TPTE: variants seen among roughly 807,000 people sequenced by gnomAD.
The protein encoded by TPTE is transmembrane phosphatase with tensin homology.
A neutral mutation model predicts 84.1 loss-of-function variants in TPTE; 59 were observed. The observed-to-expected ratio is 0.70, with a 90% confidence interval of 0.57 to 0.87. The LOEUF is 0.87. TPTE is among the 40% of genes least tolerant of loss of function. TPTE has a pLI of 0.00. For missense variants in TPTE, 382 were observed against 659.6 expected (o/e 0.58, Z 4.61); for synonymous variants, 130 against 223.5 (o/e 0.58, Z 3.73).
At chr21:10,558,128 A>G (rs543027339) in intron 8 of TPTE, among the ~76,000 whole-genome samples, 21 of 152,422 alleles carry the variant, frequency 1.4e-4, no homozygotes, top group African/African-American at 5.0e-4. Context: ...GTATATATGT[A>G]CCACATTTTC....
chr21:10,541,689 T>A (rs2074372414), intron 5 of TPTE, among the ~76,000 whole-genome samples: 1 of 152,310 alleles, frequency 6.6e-6, no homozygotes, highest in African/African-American at 2.4e-5. Context: ...GGCTTCCATC[T>A]GTTACTGTCT....
At chr21:10,560,198 A>G (rs1391979255) in intron 9 of TPTE, among the ~76,000 whole-genome samples, 1 of 152,286 alleles carries the variant, frequency 6.6e-6, no homozygotes, top group Non-Finnish European at 1.5e-5. Context: ...TTCTATAATT[A>G]TTAGTAAAGT....
chr21:10,525,416 G>C (rs948286755), intron 2 of TPTE, among the ~76,000 whole-genome samples: 1 of 152,302 alleles, frequency 6.6e-6, no homozygotes, highest in African/African-American at 2.4e-5. Context: ...GGAAGATTTT[G>C]GCCTCTGAAA....
chr21:10,538,921 G>A (rs1423084626), intron 4 of TPTE, among the ~76,000 whole-genome samples, 187 bp downstream of exon 4: 5 of 152,300 alleles, frequency 3.3e-5, no homozygotes, highest in Admixed American at 6.5e-5. Context: ...GGAGACAGAC[G>A]GCCGGACATT....
Position 10,529,308 on chromosome 21 carries a change from G to A in TPTE, c.-44+1896G>A, listed in dbSNP as rs368013646. On this transcript the variant is annotated intron_variant, in intron 3 of 23. Coordinates refer to ENST00000618007, the MANE Select transcript of TPTE (RefSeq NM_199261.4). ...AAGGATAAGTTTCAATGCCAAAAAT[G>A]TTTAAAAGTGGGATATAGGAAGATG... Among the ~76,000 whole-genome samples, 13 of 152,422 alleles carry A rather than the reference G, an allele frequency of 8.5e-5. No homozygotes were observed. The East Asian group carries it at 2.1e-3, about 25-fold the overall frequency.
At chr21:10,540,444 G>A (rs985402048) in intron 4 of TPTE, among the ~76,000 whole-genome samples, 12 of 152,298 alleles carry the variant, frequency 7.9e-5, no homozygotes, top group Non-Finnish European at 1.8e-4. Context: ...TTATGTTAGT[G>A]TTTGTCACAT....
intron 7 of TPTE, among the ~76,000 whole-genome samples, chr21:10,548,770 A>G (rs143576225): frequency 8.5e-5 from 13 of 152,422 alleles, no homozygotes; most frequent in African/African-American, 2.6e-4. Context: ...CTGTGTACCC[A>G]CATACCAGTT....
At chr21:10,523,124 A>T (rs1299416411) in intron 1 of TPTE, among the ~76,000 whole-genome samples, 1 of 152,308 alleles carries the variant, frequency 6.6e-6, no homozygotes, top group Non-Finnish European at 1.5e-5. Flanking sequence ...CACTTGATGT[A>T]AACTTCTTCA....
intron 7 of TPTE, among the ~76,000 whole-genome samples, chr21:10,546,845 A>G (rs1376102949): frequency 6.6e-6 from 1 of 152,310 alleles, no homozygotes; most frequent in African/African-American, 2.4e-5. Context: ...GTTTAAGGAA[A>G]GAAGCCATCT....
intron 18 of TPTE, 44 bp from the exon 19 acceptor site, chr21:10,592,249 A>C (rs750892588): frequency 6.2e-6 from 10 of 1,610,436 alleles, no homozygotes; most frequent in Admixed American, 1.7e-5. Context: ...TAGGAAAGGA[A>C]AGAGTGCAGA....
At position 10,541,092 on chromosome 21, in the gene TPTE, T is replaced by C; in HGVS notation, c.12-20T>C. ...TAGAATTACGCATTGGGTCTGACTC[T>C]GACCATATTTGTCCTTTAGTCCTGA... is the stretch of plus-strand genomic sequence containing the variant. On this transcript the variant is annotated intron_variant, in intron 4 of 23. Coordinates refer to ENST00000618007, the MANE Select transcript of TPTE (RefSeq NM_199261.4). 2 of 1,612,780 alleles carry C rather than the reference T, an allele frequency of 1.2e-6. No individual in the cohort carries two copies. Among genetic ancestry groups the C allele is most frequent in the South Asian group, 1.1e-5 (1 of 91,074 alleles).
At chr21:10,542,302 G>C in intron 5 of TPTE, 93 bp from the exon 6 acceptor site, 4 of 1,437,160 alleles carry the variant, frequency 2.8e-6, no homozygotes, top group Non-Finnish European at 3.9e-6. Flanking sequence ...GAAATTAATT[G>C]GTTTCTGTCT....
At chr21:10,540,896 C>T (rs1337925230) in intron 4 of TPTE, among the ~76,000 whole-genome samples, 19 of 152,406 alleles carry the variant, frequency 1.2e-4, no homozygotes, top group African/African-American at 4.3e-4. Flanking sequence ...AATCTGCATG[C>T]ATCGCTATGG....
At chr21:10,545,334 G>A (rs2074446063) in intron 7 of TPTE, among the ~76,000 whole-genome samples, 1 of 152,422 alleles carries the variant, frequency 6.6e-6, no homozygotes, top group East Asian at 1.9e-4. Context: ...ATAATATAAG[G>A]TTTTCTTCTA....
intron 10 of TPTE, 114 bp downstream of exon 10, chr21:10,561,305 A>G: frequency 2.9e-6 from 4 of 1,358,592 alleles, no homozygotes; most frequent in Non-Finnish European, 4.0e-6. Context: ...GATCCTGGCC[A>G]ACATGGTGAA....
At chr21:10,563,037 G>A (rs1018376303) in intron 10 of TPTE, among the ~76,000 whole-genome samples, 4 of 152,296 alleles carry the variant, frequency 2.6e-5, no homozygotes, top group African/African-American at 7.2e-5. Flanking sequence ...ATATACGATG[G>A]CGCTACAATA....
At chr21:10,551,132 C>T (rs1174095017) in intron 7 of TPTE, among the ~76,000 whole-genome samples, 48 of 152,406 alleles carry the variant, frequency 3.1e-4, no homozygotes, top group African/African-American at 1.1e-3. Context: ...TAGCTTCATC[C>T]GTGTCCCTAC....
Position 10,573,811 on chromosome 21 carries a change from A to G in TPTE, c.795+3262A>G, listed in dbSNP as rs551478316. On this transcript the variant is annotated intron_variant, in intron 14 of 23. Transcript: ENST00000618007. The stretch of plus-strand genomic sequence containing the variant: ...GGCCCCATGTGGTCTCTCATTCTCC[A>G]GTAGGCTACTTCAGGCCTGTTCACA... Among the ~76,000 whole-genome samples the G allele has an allele frequency of 3.3e-5, 5 of 152,422 alleles. No individual in the cohort carries two copies. The South Asian group carries it at 1.0e-3, about 32-fold the overall frequency.
intron 3 of TPTE, among the ~76,000 whole-genome samples, chr21:10,530,576 CAT>C: frequency 6.6e-6 from 1 of 152,428 alleles, no homozygotes; most frequent in South Asian, 2.1e-4. Flanking sequence ...GTGAGGAACA[CAT>C]ATATTGCTTC....
Sources: allele counts gnomAD v4.1 joint callset (sites outside exome capture counted in the v4.1 genomes callset), GRCh38; gene constraint gnomAD v4.1.1; transcripts MANE v1.5; gene names NCBI Gene and HGNC (gene_info 2026-07-23, HGNC 2026-07-21).